Variants in GGA3 observed in about 807,000 individuals in gnomAD.
GGA3 encodes the protein golgi associated, gamma adaptin ear containing, ARF binding protein 3.
In GGA3, 57 loss-of-function variants were observed where a neutral mutation model predicts 77.5. The ratio of observed to expected loss-of-function variants is 0.74; its 90% CI spans 0.59 to 0.92. GGA3 has a LOEUF of 0.92. Among genes scored for constraint, GGA3 ranks in the 40% least tolerant of loss-of-function variants. The pLI, the probability that GGA3 is intolerant of heterozygous loss-of-function variation, is 0.00. For missense variants in GGA3, 970 were observed against 914.9 expected (o/e 1.06, Z -0.78); for synonymous variants, 416 against 383.7 (o/e 1.08, Z -0.98).
rs1254485351 is a variant in GGA3, at chr17:75,239,487, C to T, written c.1668G>A (p.Gly556=). The T allele has an allele frequency of 3.8e-6, 6 of 1,578,464 alleles. No homozygotes were observed. The highest frequency in any genetic ancestry group is 3.4e-4 in the Middle Eastern group (2 of 5,936). The change falls in exon 14 of 17, where the codon GGG becomes GGA. Residue 556 remains glycine, a synonymous_variant. Coordinates refer to ENST00000537686, the MANE Select transcript of GGA3 (RefSeq NM_138619.4). ...GTGGCTGGAAGAGCGGGCTGCCGGG[C>T]CCCGTGGAGAAGGGCAGGAGGGGCC... The part of the protein sequence containing the change: ...PARPLLPFST[G]PGSPLFQPLS...
rs541387408 is a variant in GGA3 at position 75,248,855 on chromosome 17, A to G, written c.41-2059T>C. ...AAAAACTCACCAGCTGGATGAACAC[A>G]TCATAACAGAGACTCCAGCTCCTTC... On this transcript the variant is annotated intron_variant, in intron 1 of 16. Coordinates refer to ENST00000537686, the MANE Select transcript of GGA3 (RefSeq NM_138619.4). The G allele has an allele frequency of 9.8e-5, 96 of 982,930 alleles. 1 individual carries two copies. Among genetic ancestry groups the G allele is most frequent in the Admixed American group, 6.2e-4 (10 of 16,168 alleles). 60.9% of individuals were successfully genotyped at this position (982,930 alleles called of 1,614,324 possible). A position where few individuals can be genotyped will look rare whatever the true frequency, so the allele number is the denominator to read the frequency against.
At chr17:75,260,654 C>T (rs1444474004) in intron 1 of GGA3, among the ~76,000 whole-genome samples, 2 of 152,186 alleles carry the variant, frequency 1.3e-5, no homozygotes, top group Admixed American at 6.5e-5. Flanking sequence ...CTAGGTATCT[C>T]ACCTATCCCA....
At chr17:75,255,381 G>C (rs1486808129) in intron 1 of GGA3, among the ~76,000 whole-genome samples, 4 of 151,724 alleles carry the variant, frequency 2.6e-5, no homozygotes, top group Non-Finnish European at 5.9e-5. Flanking sequence ...CTATTCCTGG[G>C]TTACAGCTAC....
At position 75,256,187 on chromosome 17, in the gene GGA3, C is replaced by T. The variant is rs1358795396; in HGVS notation, c.40+5361G>A. Among the ~76,000 whole-genome samples, 3 of 152,126 alleles carry T rather than the reference C, an allele frequency of 2.0e-5. No individual in the cohort carries two copies. In the East Asian group the frequency reaches 5.8e-4, roughly 29 times the overall value. On this transcript the variant is annotated intron_variant, in intron 1 of 16. Transcript: ENST00000537686. Reference sequence around the variant, plus strand: ...TTTCTGCCCAAACAACTTGACCTTACTGTTTTAGCCTAGCCCTCATGTCTG... The same window carrying T: ...TTTCTGCCCAAACAACTTGACCTTATTGTTTTAGCCTAGCCCTCATGTCTG...
chr17:75,238,188 G>C lies in GGA3; in HGVS notation c.*91C>G, dbSNP rs2076386396. Reference sequence around the variant, plus strand: ...CCACATCAAAGCTACAAGCACTGTTGTCAGGGCATGGAGAGTGACGGGACC... The same window carrying C: ...CCACATCAAAGCTACAAGCACTGTTCTCAGGGCATGGAGAGTGACGGGACC... On this transcript the variant is annotated 3_prime_UTR_variant, in exon 17 of 17. Transcript: ENST00000537686. 2.0e-6 allele frequency: 3 copies of C among 1,538,024 alleles called. No homozygotes were observed. The highest frequency in any genetic ancestry group is 2.5e-5 in the South Asian group (2 of 79,198).
Position 75,238,164 on chromosome 17 carries a change from C to G in GGA3, c.*115G>C, listed in dbSNP as rs772408365. On this transcript the variant is annotated 3_prime_UTR_variant, in exon 17 of 17. Coordinates refer to ENST00000537686, the MANE Select transcript of GGA3 (RefSeq NM_138619.4). The stretch of plus-strand genomic sequence containing the variant: ...GCAGAAATGCCCAGGGCCCCTGTTC[C>G]ACATCAAAGCTACAAGCACTGTTGT... The G allele has an allele frequency of 6.8e-5, 101 of 1,493,582 alleles. No individual in the cohort carries two copies. The highest frequency in any genetic ancestry group is 8.2e-5 in the Non-Finnish European group (92 of 1,123,568). 92.5% of individuals were successfully genotyped at this position (1,493,582 alleles called of 1,614,324 possible). A position where few individuals can be genotyped will look rare whatever the true frequency, so the allele number is the denominator to read the frequency against.
At chr17:75,253,488 C>T (rs181879117) in intron 1 of GGA3, among the ~76,000 whole-genome samples, 1 of 152,324 alleles carries the variant, frequency 6.6e-6, no homozygotes, top group African/African-American at 2.4e-5. Flanking sequence ...GTCCTTCACC[C>T]TTAGCGGCAA....
intron 1 of GGA3, among the ~76,000 whole-genome samples, chr17:75,256,522 G>A (rs1026586444): frequency 6.6e-5 from 10 of 151,840 alleles, no homozygotes; most frequent in Admixed American, 2.6e-4. Context: ...CTTCTTTCCT[G>A]TTCCTCACCC....
chr17:75,246,471 G>T (rs1371976163), intron 3 of GGA3, 38 bp downstream of exon 3: 2 of 1,359,106 alleles, frequency 1.5e-6, no homozygotes, highest in South Asian at 1.2e-5. Flanking sequence ...GGCAGGTGAA[G>T]GGCTGCGGTT....
intron 1 of GGA3, 83 bp from the exon 2 acceptor site, chr17:75,246,879 A>C: frequency 1.0e-5 from 11 of 1,062,918 alleles, no homozygotes; most frequent in Middle Eastern, 2.0e-4. Context: ...AGTTTTAAGC[A>C]CTAAGAGTTT....
Position 75,237,162 on chromosome 17 carries a change from C to A in GGA3, c.*1117G>T, listed in dbSNP as rs1200667515. The stretch of plus-strand genomic sequence containing the variant: ...GTGGCTGGGACAAGCTGGCGGGGGC[C>A]AAGCACTGTTGAAGCAATAGGGTCT... On this transcript the variant is annotated 3_prime_UTR_variant, in exon 17 of 17. Coordinates refer to ENST00000537686, the MANE Select transcript of GGA3 (RefSeq NM_138619.4). 2 of 441,286 alleles carry A rather than the reference C, an allele frequency of 4.5e-6. No individual in the cohort carries two copies. Among genetic ancestry groups the A allele is most frequent in the Non-Finnish European group, 8.2e-6 (2 of 244,696 alleles). The allele number at this position is 441,286 out of a possible 1,614,324, so 27.3% of individuals were successfully genotyped here. A position where few individuals can be genotyped will look rare whatever the true frequency, so the allele number is the denominator to read the frequency against.
At chr17:75,240,140 G>T in intron 12 of GGA3, 32 bp from the exon 13 acceptor site, 1 of 1,414,590 alleles carries the variant, frequency 7.1e-7, no homozygotes, top group Non-Finnish European at 9.7e-7. Flanking sequence ...GTGAGCCGAG[G>T]GCGGGTGGGG....
Position 75,239,832 on chromosome 17 carries a change from G to A in GGA3, c.1540C>T (p.His514Tyr), listed in dbSNP as rs766470619. The change falls in exon 13 of 17, where the codon CAC becomes TAC. Residue 514 changes from histidine to tyrosine, a missense_variant. Physicochemically the swap from His to Tyr is moderately conservative, Grantham distance 83. Coordinates refer to ENST00000537686, the MANE Select transcript of GGA3 (RefSeq NM_138619.4). ...HGLALGNSAL[H>Y]HLDALDQLLE... The stretch of plus-strand genomic sequence containing the variant: ...AGCTGATCGAGGGCATCCAGGTGGT[G>A]CAGCGCGCTGTTGCCCAACGCCAAG... 5.3e-5 allele frequency: 86 copies of A among 1,613,842 alleles called. No homozygotes were observed. The highest frequency in any genetic ancestry group is 6.9e-5 in the Non-Finnish European group (81 of 1,180,034).
rs201217382 is a variant in GGA3, at chr17:75,239,982, G to A, written c.1390C>T (p.Pro464Ser). The change falls in exon 13 of 17, where the codon CCC (proline) becomes TCC (serine). Residue 464 changes from proline to serine, a missense_variant. Transcript: ENST00000537686. ...GCTGGGACCACAGGAGCTGGGAAGG[G>A]AGGCGGCAGTGGAGCTTGGGAGCTG... is the stretch of plus-strand genomic sequence containing the variant. ...SSSSQAPLPP[P>S]FPAPVVPASV... 3.4e-4 allele frequency: 532 copies of A among 1,559,316 alleles called. No homozygotes were observed. The highest frequency in any genetic ancestry group is 3.7e-4 in the Non-Finnish European group (432 of 1,152,360).
chr17:75,261,488 G>A, intron 1 of GGA3, 60 bp downstream of exon 1: 4 of 1,350,970 alleles, frequency 3.0e-6, no homozygotes, highest in East Asian at 2.7e-5. Flanking sequence ...GGGACGTGGG[G>A]GTGAAGACAG....
At position 75,241,056 on chromosome 17, in the gene GGA3, T is replaced by C. The variant is rs555284193; in HGVS notation, c.948A>G (p.Gly316=). Reference sequence around the variant, plus strand: ...TGCCTTGGTTACTGCACTGACTGTTTCCTGGATGGGTCAACAGAGCAGAAC... The same window carrying C: ...TGCCTTGGTTACTGCACTGACTGTTCCCTGGATGGGTCAACAGAGCAGAAC... ...VATLTLPDSE[G]NSQCSNQGTL... is the part of the protein sequence containing the mutation. Residue 316 remains glycine, a splice_region_variant and synonymous_variant, in exon 11 of 17, where the codon GGA becomes GGG. Transcript: ENST00000537686. The C allele has an allele frequency of 3.7e-5, 59 of 1,614,082 alleles. 2 individuals are homozygous for C. The South Asian group carries it at 4.1e-4, about 11-fold the overall frequency.
In GGA3 at chr17:75,238,270, C is replaced by T. The variant is rs1162476898; in HGVS notation, c.*9G>A. ...GGCTTCAAGGTGGAGATCACAGCGTCCTCTGGGGTCATAGGTTCCCCCACT... is the reference window on the plus strand; with the variant it reads ...GGCTTCAAGGTGGAGATCACAGCGTTCTCTGGGGTCATAGGTTCCCCCACT... On this transcript the variant is annotated 3_prime_UTR_variant, in exon 17 of 17. Transcript: ENST00000537686. 1 of 1,612,336 alleles carries T rather than the reference C, an allele frequency of 6.2e-7. No individual in the cohort carries two copies. Among genetic ancestry groups the T allele is most frequent in the East Asian group, 2.2e-5 (1 of 44,838 alleles).
At chr17:75,242,794 C>G in intron 7 of GGA3, 37 bp downstream of exon 7, 1 of 1,520,750 alleles carries the variant, frequency 6.6e-7, no homozygotes, top group Non-Finnish European at 9.1e-7. Flanking sequence ...GCCATGGGCT[C>G]CTCCACCCCG....
At position 75,248,299 on chromosome 17, in the gene GGA3, CT is replaced by C. The variant is rs554021589; in HGVS notation, c.41-1504del. 4.4e-4 allele frequency among the ~76,000 whole-genome samples: 66 copies of C among 149,718 alleles called. 1 individual carries two copies. In the South Asian group the frequency reaches 0.01, roughly 24 times the overall value. On this transcript the variant is annotated intron_variant, in intron 1 of 16. Transcript: ENST00000537686. Reference sequence around the variant, plus strand: ...ATCCTGGTTAACACGGTGAAACCCCCTCTCTACTAAAAATACAAAAAGTTAG... The same window carrying C: ...ATCCTGGTTAACACGGTGAAACCCCCCTCTACTAAAAATACAAAAAGTTAG...
Sources: gnomAD v4.1 joint callset for allele counts (sites outside exome capture counted in the v4.1 genomes callset) on GRCh38, gnomAD v4.1.1 for gene constraint, MANE v1.5 for transcripts, NCBI Gene and HGNC (gene_info 2026-07-23, HGNC 2026-07-21) for gene names.